Variants in SAMD12 observed in about 807,000 individuals in gnomAD.
The protein encoded by SAMD12 is sterile alpha motif domain-containing protein 12.
Under a neutral mutation model 15.0 loss-of-function variants are expected in SAMD12, and 9 were observed. That is an observed-to-expected ratio of 0.60 (90% CI 0.36 to 1.05). The LOEUF is 1.05. SAMD12 is among the 50% of genes least tolerant of loss of function. SAMD12 has a pLI of 0.01. For synonymous variants in SAMD12, 86 were observed against 90.1 expected (o/e 0.96, Z 0.25); for missense variants, 230 against 234.2 (o/e 0.98, Z 0.12).
At chr8:118,461,810 T>C (rs1054535384) in intron 2 of SAMD12, among the ~76,000 whole-genome samples, 3 of 152,220 alleles carry the variant, frequency 2.0e-5, no homozygotes, top group African/African-American at 7.2e-5. Context: ...AGACTGAGAA[T>C]ACCCATCGGG....
intron 3 of SAMD12, among the ~76,000 whole-genome samples, chr8:118,390,968 A>G (rs184271844): frequency 3.3e-5 from 5 of 152,342 alleles, no homozygotes; most frequent in African/African-American, 9.6e-5. Flanking sequence ...CACCTGAAAT[A>G]TAAATTCAGA....
chr8:118,429,095 G>A (rs1822321411), intron 3 of SAMD12, among the ~76,000 whole-genome samples: 1 of 145,246 alleles, frequency 6.9e-6, no homozygotes, highest in Non-Finnish European at 1.5e-5. Context: ...CATTTATTTA[G>A]ATATTTAATT....
chr8:118,538,698 A>G (rs1443965265), intron 2 of SAMD12, among the ~76,000 whole-genome samples: 1 of 152,158 alleles, frequency 6.6e-6, no homozygotes, highest in East Asian at 1.9e-4. Flanking sequence ...TGTTTCAGTG[A>G]TATAAAGTCA....
At chr8:118,366,998 T>C (rs1313341703) in intron 4 of SAMD12, among the ~76,000 whole-genome samples, 1 of 151,978 alleles carries the variant, frequency 6.6e-6, no homozygotes. Context: ...TTTATTCTTG[T>C]CTGGGGCTCA....
chr8:118,528,207 T>C (rs1175089695), intron 2 of SAMD12, among the ~76,000 whole-genome samples: 1 of 152,110 alleles, frequency 6.6e-6, no homozygotes, highest in Non-Finnish European at 1.5e-5. Context: ...TTTATTTTTA[T>C]TTTTAGTAGA....
chr8:118,297,859 TTA>T (rs1814796985), intron 4 of SAMD12, among the ~76,000 whole-genome samples: 1 of 152,360 alleles, frequency 6.6e-6, no homozygotes, highest in African/African-American at 2.4e-5. Context: ...ATGTTTATTT[TTA>T]TCATAATACA....
rs901827052 is a variant in SAMD12 at position 118,416,937 on chromosome 8, GA to G, written c.322+22894del. On this transcript the variant is annotated intron_variant, in intron 3 of 3. Coordinates refer to ENST00000314727, the MANE Select transcript of SAMD12 (RefSeq NM_207506.3). ...TTTTTTCCATGTGAGCAAACTTGGG[GA>G]AAAAAATGCAGCAGATAAAAATTTC... 1.6e-4 allele frequency among the ~76,000 whole-genome samples: 25 copies of G among 152,086 alleles called. No individual in the cohort carries two copies. In the East Asian group the frequency reaches 1.9e-3, roughly 12 times the overall value.
chr8:118,398,744 G>C (rs998668212), intron 3 of SAMD12, among the ~76,000 whole-genome samples: 7 of 152,100 alleles, frequency 4.6e-5, no homozygotes, highest in African/African-American at 1.2e-4. Flanking sequence ...GGGAACTTTG[G>C]GAAGTGATAG....
chr8:118,205,448 G>A (rs1389312257), intron 4 of SAMD12, among the ~76,000 whole-genome samples: 1 of 152,224 alleles, frequency 6.6e-6, no homozygotes, highest in African/African-American at 2.4e-5. Flanking sequence ...AAAGTAGGTA[G>A]GTACCATGAC....
At chr8:118,314,550 C>A (rs1341141433) in intron 4 of SAMD12, among the ~76,000 whole-genome samples, 2 of 152,212 alleles carry the variant, frequency 1.3e-5, no homozygotes, top group Non-Finnish European at 2.9e-5. Flanking sequence ...CCATCCCTCA[C>A]TCACCATCCC....
chr8:118,191,005 T>C (rs1229422687), exon 5 of SAMD12: 1 of 152,214 alleles, frequency 6.6e-6, no homozygotes, highest in African/African-American at 2.4e-5. Flanking sequence ...TTTTCTAAAA[T>C]TTTGTGCAAA....
At chr8:118,393,353 G>A (rs1218372715) in intron 3 of SAMD12, among the ~76,000 whole-genome samples, 1 of 151,552 alleles carries the variant, frequency 6.6e-6, no homozygotes, top group Non-Finnish European at 1.5e-5. Flanking sequence ...CACCATGGCC[G>A]GCTAGGTGTT....
At chr8:118,469,813 T>C (rs57009141) in intron 2 of SAMD12, among the ~76,000 whole-genome samples, 4,289 of 151,578 alleles carry the variant, frequency 0.028, 170 homozygotes, top group African/African-American at 0.084. Context: ...TCCATCTGCC[T>C]CAGCCTCCCA....
intron 2 of SAMD12, among the ~76,000 whole-genome samples, chr8:118,502,780 AG>A (rs1475355010): frequency 6.6e-6 from 1 of 152,242 alleles, no homozygotes; most frequent in Non-Finnish European, 1.5e-5. Context: ...TGGCCTATGC[AG>A]AGAACGATTT....
At chr8:118,318,310 GTATATATATATATATATATATATATATA>G (rs55959055) in intron 4 of SAMD12, among the ~76,000 whole-genome samples, 5 of 113,336 alleles carry the variant, frequency 4.4e-5, no homozygotes, top group African/African-American at 9.8e-5. Flanking sequence ...AGATATATGT[GTATATATATATATATATATATATATATA>G]TATATATATA....
chr8:118,507,631 C>A (rs1294610796), intron 2 of SAMD12, among the ~76,000 whole-genome samples: 1 of 152,086 alleles, frequency 6.6e-6, no homozygotes, highest in East Asian at 1.9e-4. Context: ...AGTATAGAGA[C>A]CTAGACCCCA....
At chr8:118,221,235 G>C (rs1328720519) in intron 4 of SAMD12, among the ~76,000 whole-genome samples, 1 of 152,132 alleles carries the variant, frequency 6.6e-6, no homozygotes, top group African/African-American at 2.4e-5. Context: ...TTCAAAATCT[G>C]AGGGATGGGG....
intron 4 of SAMD12, among the ~76,000 whole-genome samples, chr8:118,216,691 T>C (rs1811968405): frequency 6.6e-6 from 1 of 152,176 alleles, no homozygotes. Context: ...TCCAGGGCTA[T>C]TTAGGGTAGG....
intron 2 of SAMD12, among the ~76,000 whole-genome samples, chr8:118,446,979 T>C (rs1822933945): frequency 6.6e-6 from 1 of 152,196 alleles, no homozygotes; most frequent in Non-Finnish European, 1.5e-5. Flanking sequence ...ATGTCCAAAA[T>C]TGAGCTCCTG....
Sources: gnomAD v4.1 joint callset for allele counts (sites outside exome capture counted in the v4.1 genomes callset) on GRCh38, gnomAD v4.1.1 for gene constraint, MANE v1.5 for transcripts, NCBI Gene and HGNC (gene_info 2026-07-23, HGNC 2026-07-21) for gene names.